Variants in GMNN observed in about 807,000 individuals in gnomAD.
The protein encoded by GMNN is geminin DNA replication inhibitor, also known as geminin.
GMNN carries 14 observed loss-of-function variants against 20.9 expected under a neutral mutation model. The observed-to-expected ratio is 0.67, with a 90% CI of 0.44 to 1.05. GMNN has a LOEUF of 1.05. GMNN is among the 50% of genes least tolerant of loss of function. The pLI is 0.00. For missense variants in GMNN, 227 were observed against 243.8 expected (o/e 0.93, Z 0.46); for synonymous variants, 81 against 85.8 (o/e 0.94, Z 0.31).
chr6:24,782,632 G>A (rs891183608), intron 4 of GMNN, among the ~76,000 whole-genome samples: 1 of 152,120 alleles, frequency 6.6e-6, no homozygotes, highest in African/African-American at 2.4e-5. Context: ...TTGAAGAGCA[G>A]GATTTGTGAC....
chr6:24,784,478 T>C lies in GMNN; in HGVS notation c.392T>C (p.Ile131Thr). 6.3e-7 allele frequency: 1 copy of C among 1,581,630 alleles called. No homozygotes were observed. Among genetic ancestry groups the C allele is most frequent in the Non-Finnish European group, 8.7e-7 (1 of 1,150,612 alleles). ...GAAATTGAACAAAAGGACAATGAAA[T>C]TGCCCGCCTGAAAAAGGAGAATAAA... ...HKEIEQKDNE[I>T]ARLKKENKEL... The change falls in exon 6 of 7, where the codon ATT (isoleucine) becomes ACT (threonine). Residue 131 changes from isoleucine (I) to threonine (T), a missense_variant. Transcript: ENST00000230056.
intron 6 of GMNN, among the ~76,000 whole-genome samples, chr6:24,785,318 A>G (rs1431209520): frequency 2.0e-5 from 3 of 152,184 alleles, no homozygotes; most frequent in African/African-American, 7.2e-5. Context: ...CCTTAAAAGA[A>G]TTAGTCCACA....
chr6:24,779,658 A>T (rs1229541212), intron 2 of GMNN, among the ~76,000 whole-genome samples: 2 of 152,206 alleles, frequency 1.3e-5, no homozygotes, highest in Non-Finnish European at 2.9e-5. Context: ...TAACTTTCTC[A>T]CGCTGGTATG....
Position 24,781,578 on chromosome 6 carries a change from T to C in GMNN, c.231T>C (p.Asn77=), listed in dbSNP as rs1780222413. The change falls in exon 4 of 7, where the codon AAT becomes AAC. Residue 77 remains asparagine (N), a synonymous_variant. Transcript: ENST00000230056. ...VIVPESSENK[N]LGGVTQESFD... ...TCCCAGAATCTAGTGAAAATAAAAA[T>C]CTTGGAGGAGTCACCCAGGAGTCAT... 6.4e-7 allele frequency: 1 copy of C among 1,553,762 alleles called. No homozygotes were observed.
Position 24,774,975 on chromosome 6 carries a change from A to G in GMNN, c.-295A>G, listed in dbSNP as rs753664124. On this transcript the variant is annotated 5_prime_UTR_variant, in exon 1 of 7. Transcript: ENST00000230056. ...GTGGTTGTTCGGAGCGGGCGAGCGG[A>G]GTTAGCAGGGCTTTACTGCAGAGCG... 4.6e-5 allele frequency: 7 copies of G among 152,260 alleles called. No individual in the cohort carries two copies. Among genetic ancestry groups the G allele is most frequent in the Non-Finnish European group, 1.0e-4 (7 of 68,092 alleles). The allele number at this position is 152,260 out of a possible 1,614,324, so 9.4% of individuals were successfully genotyped here.
chr6:24,785,519 G>C lies in GMNN; in HGVS notation c.469-119G>C, dbSNP rs900870559. On this transcript the variant is annotated intron_variant, in intron 6 of 6. Coordinates refer to ENST00000230056, the MANE Select transcript of GMNN (RefSeq NM_015895.5). ...TGTTTATAAATGAATTTATTGAGGG[G>C]CAAGATGAAAAAAATCTCATAGCTA... 7.8e-6 allele frequency: 4 copies of C among 510,576 alleles called. No homozygotes were observed. In the South Asian group the frequency reaches 1.3e-4, roughly 17 times the overall value. 31.6% of individuals were successfully genotyped at this position (510,576 alleles called of 1,614,324 possible). A position where few individuals can be genotyped will look rare whatever the true frequency, so the allele number is the denominator to read the frequency against.
intron 6 of GMNN, 85 bp from the exon 7 acceptor site, chr6:24,785,553 T>C: frequency 1.6e-6 from 1 of 623,418 alleles, no homozygotes; most frequent in Non-Finnish European, 2.8e-6. Context: ...TATATCAGTA[T>C]GCTATACGGG....
rs1163158711 is a variant in GMNN, at chr6:24,784,096, CCT to C, written c.288_289del (p.Gln97ValfsTer15). 4 of 1,399,126 alleles carry C rather than the reference CCT, an allele frequency of 2.9e-6. No individual in the cohort carries two copies. The highest frequency in any genetic ancestry group is 1.4e-5 in the African/African-American group (1 of 70,806). The allele number at this position is 1,399,126 out of a possible 1,614,324, so 86.7% of individuals were successfully genotyped here. A position where few individuals can be genotyped will look rare whatever the true frequency, so the allele number is the denominator to read the frequency against. Reference sequence around the variant, plus strand: ...TAAAATATTATTTTAGAAAATCCATCCTCTCAGTATTGGAAGGAAGTGGCAGA... The same window carrying C: ...TAAAATATTATTTTAGAAAATCCATCCTCAGTATTGGAAGGAAGTGGCAGA... On this transcript the variant is annotated frameshift_variant, in exon 5 of 7. Transcript: ENST00000230056. LOFTEE classifies it high-confidence loss of function.
At chr6:24,777,518 G>C (rs1316683526) in intron 2 of GMNN, 4 of 309,478 alleles carry the variant, frequency 1.3e-5, no homozygotes, top group Non-Finnish European at 2.4e-5. Context: ...TCTTTCAACA[G>C]TATTTTGTAG....
chr6:24,780,590 A>G (rs1780185146), intron 2 of GMNN, 73 bp from the exon 3 acceptor site: 4 of 844,538 alleles, frequency 4.7e-6, no homozygotes, highest in Non-Finnish European at 8.2e-6. Flanking sequence ...GTAACACTCC[A>G]TACAGAAACT....
At chr6:24,781,736 C>T in intron 4 of GMNN, 115 bp downstream of exon 4, 1 of 473,988 alleles carries the variant, frequency 2.1e-6, no homozygotes. Context: ...TATAACAGCA[C>T]TATAAATGTT....
Position 24,784,135 on chromosome 6 carries a change from A to G in GMNN, c.323A>G (p.Lys108Arg), listed in dbSNP as rs746531592. Residue 108 changes from lysine (K) to arginine (R), a missense_variant, in exon 5 of 7, where the codon AAG becomes AGG. Lys to Arg is a conservative substitution (Grantham distance 26). Coordinates refer to ENST00000230056, the MANE Select transcript of GMNN (RefSeq NM_015895.5). ...YWKEVAEKRRKALYEALKENE... is the reference protein window; with the variant it reads ...YWKEVAEKRRRALYEALKENE... ...AAGGAAGTGGCAGAAAAACGGAGAA[A>G]GGCGCTGTATGAAGCACTTAAGGAA... The G allele has an allele frequency of 3.9e-5, 60 of 1,536,154 alleles. No individual in the cohort carries two copies. The Admixed American group carries it at 1.0e-3, about 26-fold the overall frequency.
At chr6:24,783,152 C>T (rs995126610) in intron 4 of GMNN, among the ~76,000 whole-genome samples, 4 of 152,040 alleles carry the variant, frequency 2.6e-5, no homozygotes, top group African/African-American at 9.7e-5. Context: ...TACTCAAAAA[C>T]GGGTGGACAT....
At chr6:24,778,245 C>T (rs1780125409) in intron 2 of GMNN, among the ~76,000 whole-genome samples, 1 of 152,188 alleles carries the variant, frequency 6.6e-6, no homozygotes, top group Non-Finnish European at 1.5e-5. Flanking sequence ...TGGCTCATGC[C>T]TGTGATCCCA....
chr6:24,781,582 G>T lies in GMNN; in HGVS notation c.235G>T (p.Gly79Ter). 6.5e-7 allele frequency: 1 copy of T among 1,548,556 alleles called. No homozygotes were observed. The change falls in exon 4 of 7, where the codon GGA becomes TGA. Residue 79 changes from glycine (G) to a stop codon, truncating the protein, a stop_gained. Transcript: ENST00000230056. LOFTEE classifies it high-confidence loss of function. Reference protein sequence around the residue: ...VPESSENKNLGGVTQESFDLM... With the variant: ...VPESSENKNL ...AGAATCTAGTGAAAATAAAAATCTT[G>T]GAGGAGTCACCCAGGAGTCATTTGA...
At chr6:24,777,173 C>G in intron 1 of GMNN, 49 bp from the exon 2 acceptor site, 1 of 609,788 alleles carries the variant, frequency 1.6e-6, no homozygotes, top group Non-Finnish European at 2.9e-6. Flanking sequence ...TATTTTAAAC[C>G]TAGACTCCAC....
At position 24,781,503 on chromosome 6, in the gene GMNN, A is replaced by G. The variant is rs773204126; in HGVS notation, c.156A>G (p.Lys52=). The G allele has an allele frequency of 1.9e-6, 3 of 1,598,306 alleles. No individual in the cohort carries two copies. In the South Asian group the frequency reaches 3.3e-5, roughly 18 times the overall value. ...NELSAGLSKR[K]HRNDHLTSTT... The stretch of plus-strand genomic sequence containing the variant: ...TGTCCGCAGGCTTGTCCAAAAGGAA[A>G]CATCGGAATGACCACTTAACATCTA... The change falls in exon 4 of 7, where the codon AAA becomes AAG. Residue 52 remains lysine (K), a synonymous_variant. Coordinates refer to ENST00000230056, the MANE Select transcript of GMNN (RefSeq NM_015895.5).
At chr6:24,781,759 C>T (rs1401697501) in intron 4 of GMNN, 138 bp downstream of exon 4, 2 of 445,994 alleles carry the variant, frequency 4.5e-6, no homozygotes, top group Non-Finnish European at 8.1e-6. Context: ...TGTATGTGAC[C>T]ATTTGTTTGA....
chr6:24,776,876 T>C (rs140041388), intron 1 of GMNN: 8 of 160,050 alleles, frequency 5.0e-5, no homozygotes, highest in African/African-American at 1.9e-4. Flanking sequence ...GATGCTGCTC[T>C]TTAGGATGGA....
Sources: allele counts gnomAD v4.1 joint callset (sites outside exome capture counted in the v4.1 genomes callset), GRCh38; gene constraint gnomAD v4.1.1; transcripts MANE v1.5; gene names NCBI Gene and HGNC (gene_info 2026-07-23, HGNC 2026-07-21).